The following SORCS3 variants were observed in gnomAD, a reference collection of about 807,000 sequenced individuals.
SORCS3 encodes VPS10 domain-containing receptor SorCS3.
In SORCS3, 57 loss-of-function variants were observed where a neutral mutation model predicts 146.3. That is an observed-to-expected ratio of 0.39 (90% CI 0.31 to 0.49). The LOEUF is 0.49. SORCS3 is among the 20% of genes least tolerant of loss of function. The pLI is 0.92. For missense variants in SORCS3, 1,341 were observed against 1,575.5 expected, an observed-to-expected ratio of 0.85 and a Z score of 2.52; for synonymous variants, 653 against 618.5, an observed-to-expected ratio of 1.06 and a Z score of -0.83.
intron 9 of SORCS3, 68 bp downstream of exon 9, chr10:105,147,864 A>C: frequency 7.3e-7 from 1 of 1,373,792 alleles, no homozygotes; most frequent in South Asian, 1.4e-5. Flanking sequence ...TGGTATAAAC[A>C]CAAGCACTGG....
chr10:104,668,571 A>G (rs1589452101), intron 1 of SORCS3, among the ~76,000 whole-genome samples: 2 of 152,224 alleles, frequency 1.3e-5, no homozygotes, highest in East Asian at 3.8e-4. Flanking sequence ...ATTCAGATTC[A>G]GTGAGATACA....
intron 23 of SORCS3, 25 bp from the exon 24 acceptor site, chr10:105,255,677 C>T (rs2056927116): frequency 6.6e-7 from 1 of 1,519,138 alleles, no homozygotes; most frequent in South Asian, 1.1e-5. Context: ...CATGTCACCC[C>T]ATGCATCCTG....
chr10:105,216,734 C>T (rs779780858), intron 18 of SORCS3, among the ~76,000 whole-genome samples: 1 of 152,084 alleles, frequency 6.6e-6, no homozygotes, highest in Non-Finnish European at 1.5e-5. Flanking sequence ...CGAGCTTGGG[C>T]GATGAGGACA....
intron 14 of SORCS3, among the ~76,000 whole-genome samples, chr10:105,192,657 G>A (rs189085783): frequency 6.6e-6 from 1 of 152,128 alleles, no homozygotes; most frequent in Non-Finnish European, 1.5e-5. Flanking sequence ...GATCAAAGAT[G>A]CACTCAATAG....
chr10:105,071,781 AT>A (rs577370900), intron 5 of SORCS3, among the ~76,000 whole-genome samples: 23 of 152,064 alleles, frequency 1.5e-4, no homozygotes, highest in African/African-American at 4.8e-4. Context: ...CTTTCTAACT[AT>A]TTTTTTGTAC....
chr10:104,693,007 A>G (rs1354841005), intron 1 of SORCS3, among the ~76,000 whole-genome samples: 4 of 152,210 alleles, frequency 2.6e-5, no homozygotes, highest in African/African-American at 7.2e-5. Flanking sequence ...GTTGGGGACT[A>G]TACACTTAGA....
intron 13 of SORCS3, among the ~76,000 whole-genome samples, chr10:105,173,349 CA>C (rs1335495519): frequency 1.3e-5 from 2 of 151,788 alleles, no homozygotes; most frequent in Non-Finnish European, 2.9e-5. Flanking sequence ...AGAAAGAAAC[CA>C]AAAAAACTGC....
intron 20 of SORCS3, among the ~76,000 whole-genome samples, chr10:105,238,569 T>G (rs186828848): frequency 6.6e-6 from 1 of 152,132 alleles, no homozygotes. Context: ...AAGGATTCAT[T>G]TGGGCAGAAG....
At chr10:104,739,242 C>T (rs1282521260) in intron 1 of SORCS3, among the ~76,000 whole-genome samples, 1 of 152,244 alleles carries the variant, frequency 6.6e-6, no homozygotes, top group Non-Finnish European at 1.5e-5. Context: ...TCTTGGTTCA[C>T]TCTCTCCAAA....
intron 1 of SORCS3, among the ~76,000 whole-genome samples, chr10:104,722,442 T>C (rs1285400382): frequency 6.6e-6 from 1 of 152,208 alleles, no homozygotes; most frequent in Non-Finnish European, 1.5e-5. Context: ...AAATTCTCTT[T>C]TTTTGTTGTG....
chr10:104,855,168 C>A (rs546200286), intron 2 of SORCS3, among the ~76,000 whole-genome samples: 2 of 152,256 alleles, frequency 1.3e-5, no homozygotes, highest in East Asian at 3.9e-4. Flanking sequence ...TTTTGCTGTC[C>A]ATTCTGTTGC....
intron 5 of SORCS3, among the ~76,000 whole-genome samples, chr10:105,083,784 G>T (rs1229870817): frequency 6.6e-6 from 1 of 152,092 alleles, no homozygotes; most frequent in African/African-American, 2.4e-5. Flanking sequence ...AAAATTTTCT[G>T]CAATATTGAA....
chr10:105,182,128 A>G (rs895110930), intron 14 of SORCS3, among the ~76,000 whole-genome samples: 1 of 151,614 alleles, frequency 6.6e-6, no homozygotes, highest in Non-Finnish European at 1.5e-5. Context: ...GAGATCAGAC[A>G]CTTCTTACCA....
At chr10:105,065,266 G>A (rs896598324) in intron 5 of SORCS3, among the ~76,000 whole-genome samples, 1 of 152,164 alleles carries the variant, frequency 6.6e-6, no homozygotes, top group Non-Finnish European at 1.5e-5. Context: ...TACCTACTCA[G>A]TGTGTGGTCA....
intron 7 of SORCS3, among the ~76,000 whole-genome samples, chr10:105,134,237 A>G (rs924151464): frequency 3.9e-5 from 6 of 152,180 alleles, no homozygotes; most frequent in Admixed American, 1.3e-4. Flanking sequence ...ACCTCTGTAG[A>G]GTTGTTATGA....
At chr10:105,197,305 C>T (rs757775403) in intron 14 of SORCS3, among the ~76,000 whole-genome samples, 1 of 152,122 alleles carries the variant, frequency 6.6e-6, no homozygotes, top group Non-Finnish European at 1.5e-5. Flanking sequence ...ACTATGAACC[C>T]CTTTGAATAA....
In SORCS3 at chr10:105,252,904, C is replaced by T. The variant is rs1279046526; in HGVS notation, c.3235C>T (p.Gln1079Ter). 1 of 1,613,514 alleles carries T rather than the reference C, an allele frequency of 6.2e-7. No homozygotes were observed. The highest frequency in any genetic ancestry group is 1.3e-5 in the African/African-American group (1 of 74,888). The change falls in exon 23 of 27, where the codon CAA becomes TAA. Residue 1079 changes from glutamine to a stop codon, truncating the protein, a stop_gained and splice_region_variant. Coordinates refer to ENST00000369701, the MANE Select transcript of SORCS3 (RefSeq NM_014978.3). LOFTEE classifies it high-confidence loss of function. ...RRKGNEGDLEQIVETLFNALN... is the reference protein window; with the variant it reads ...RRKGNEGDLE Reference sequence around the variant, plus strand: ...GAAAGGCAATGAAGGGGACCTGGAACAAGTAAGTGAAAGTAAATCTGGCTG... The same window carrying T: ...GAAAGGCAATGAAGGGGACCTGGAATAAGTAAGTGAAAGTAAATCTGGCTG...
At chr10:104,752,973 A>C (rs978972000) in intron 1 of SORCS3, among the ~76,000 whole-genome samples, 1 of 152,268 alleles carries the variant, frequency 6.6e-6, no homozygotes, top group South Asian at 2.1e-4. Flanking sequence ...AACCAAACAA[A>C]CAAACAAATG....
intron 3 of SORCS3, among the ~76,000 whole-genome samples, chr10:104,975,283 C>T (rs572247846): frequency 2.0e-5 from 3 of 152,052 alleles, no homozygotes; most frequent in Non-Finnish European, 4.4e-5. Context: ...AGCAGAGAGC[C>T]AAATCATGAG....
Sources: gnomAD v4.1 joint callset for allele counts (sites outside exome capture counted in the v4.1 genomes callset) on GRCh38, gnomAD v4.1.1 for gene constraint, MANE v1.5 for transcripts, NCBI Gene and HGNC (gene_info 2026-07-23, HGNC 2026-07-21) for gene names.